The following OSCP1 variants were observed in gnomAD, a reference collection of about 807,000 sequenced individuals.
OSCP1 encodes the protein protein OSCP1.
OSCP1 carries 35 observed loss-of-function variants against 45.1 expected under a neutral mutation model. The ratio of observed to expected loss-of-function variants is 0.78; its 90% confidence interval spans 0.59 to 1.03. The LOEUF (loss-of-function observed/expected upper bound fraction) is 1.03. Ranked by LOEUF, OSCP1 falls within the 50% of genes least tolerant of loss-of-function variation. The pLI is 0.00. For synonymous variants in OSCP1, 179 were observed against 180.1 expected (o/e 0.99, Z 0.05); for missense variants, 400 against 470.7 (o/e 0.85, Z 1.39).
In OSCP1 at chr1:36,425,364, G is replaced by T. The variant is rs1647900721; in HGVS notation, c.517-1898C>A. Among the ~76,000 whole-genome samples the T allele has an allele frequency of 4.6e-5, 7 of 152,102 alleles. No homozygotes were observed. In the South Asian group the frequency reaches 1.5e-3, roughly 32 times the overall value. Reference sequence around the variant, plus strand: ...TTTCTGTGCATCAGTTTTCCCTTTGGTAACCTGGGGGTAATAATAGTAATA... The same window carrying T: ...TTTCTGTGCATCAGTTTTCCCTTTGTTAACCTGGGGGTAATAATAGTAATA... On this transcript the variant is annotated intron_variant, in intron 4 of 9. Transcript: ENST00000235532.
intron 1 of OSCP1, among the ~76,000 whole-genome samples, chr1:36,445,312 T>C (rs1015589211): frequency 2.6e-5 from 4 of 152,106 alleles, no homozygotes; most frequent in African/African-American, 9.7e-5. Context: ...ACTACGCCAC[T>C]GGGCGACAGA....
chr1:36,422,337 G>A, intron 6 of OSCP1, 118 bp from the exon 7 acceptor site: 1 of 950,646 alleles, frequency 1.1e-6, no homozygotes, highest in Non-Finnish European at 1.7e-6. Context: ...CCAGAAAGGT[G>A]CTGTGGGTAC....
chr1:36,434,103 A>G (rs79201836), intron 2 of OSCP1, among the ~76,000 whole-genome samples: 15,547 of 152,088 alleles, frequency 0.1, 947 homozygotes, highest in East Asian at 0.29. Context: ...ATGGAGGAAA[A>G]GACGTCTGAG....
chr1:36,426,367 C>T (rs1374836511), intron 4 of OSCP1, among the ~76,000 whole-genome samples: 3 of 152,144 alleles, frequency 2.0e-5, no homozygotes, highest in Non-Finnish European at 4.4e-5. Flanking sequence ...TCCACCCTTT[C>T]CTTTCCGAGG....
intron 8 of OSCP1, 178 bp from the exon 9 acceptor site, chr1:36,419,232 A>G: frequency 1.6e-6 from 1 of 625,158 alleles, no homozygotes; most frequent in Non-Finnish European, 2.8e-6. Flanking sequence ...AAGTTCTTTT[A>G]TCTCTCTGTG....
chr1:36,437,461 A>T (rs942511084), intron 2 of OSCP1, among the ~76,000 whole-genome samples: 1 of 152,186 alleles, frequency 6.6e-6, no homozygotes, highest in Non-Finnish European at 1.5e-5. Flanking sequence ...GAGATTTGTG[A>T]AGAATGAGGC....
At chr1:36,436,689 AATT>A (rs755959365) in intron 2 of OSCP1, among the ~76,000 whole-genome samples, 2 of 152,104 alleles carry the variant, frequency 1.3e-5, no homozygotes, top group African/African-American at 2.4e-5. Flanking sequence ...GTTGTAAAGG[AATT>A]ATTATTATAT....
At chr1:36,422,123 G>C in intron 7 of OSCP1, 27 bp downstream of exon 7, 2 of 1,598,822 alleles carry the variant, frequency 1.3e-6, no homozygotes, top group Non-Finnish European at 1.7e-6. Context: ...GAAGCTGTGA[G>C]GGTAGGCAAG....
rs1241863053 is a variant in OSCP1 at position 36,442,356 on chromosome 1, GTTCA to G, written c.113-3450_113-3447del. On this transcript the variant is annotated intron_variant, in intron 1 of 9. Coordinates refer to ENST00000235532, the MANE Select transcript of OSCP1 (RefSeq NM_145047.5). The stretch of plus-strand genomic sequence containing the variant: ...GGTTCAGATTATGAAGCCAGTTTCT[GTTCA>G]TTATTTTTGAACATTTATGTTAAAA... Among the ~76,000 whole-genome samples the G allele has an allele frequency of 4.6e-5, 7 of 152,128 alleles. No homozygotes were observed. In the East Asian group the frequency reaches 1.4e-3, roughly 29 times the overall value.
intron 4 of OSCP1, chr1:36,428,262 T>C (rs1258887366): frequency 4.0e-6 from 6 of 1,509,010 alleles, no homozygotes; most frequent in Non-Finnish European, 3.5e-6. Context: ...CCTTTGTCCA[T>C]GGAAGGGAAA....
At chr1:36,426,730 G>A (rs1647983706) in intron 4 of OSCP1, among the ~76,000 whole-genome samples, 1 of 152,154 alleles carries the variant, frequency 6.6e-6, no homozygotes, top group Non-Finnish European at 1.5e-5. Context: ...TTTTAAGGCA[G>A]CATCTTGCTC....
intron 9 of OSCP1, chr1:36,418,505 GA>G: frequency 1.8e-6 from 1 of 541,236 alleles, no homozygotes; most frequent in South Asian, 2.2e-5. Context: ...GTATAGTTAA[GA>G]AACAACTTTA....
At chr1:36,439,728 A>G (rs905356317) in intron 1 of OSCP1, among the ~76,000 whole-genome samples, 4 of 152,214 alleles carry the variant, frequency 2.6e-5, no homozygotes, top group African/African-American at 9.6e-5. Context: ...GAATGCCTTA[A>G]TTTCCACATT....
At chr1:36,449,565 G>A (rs1434144514) in intron 1 of OSCP1, among the ~76,000 whole-genome samples, 2 of 151,996 alleles carry the variant, frequency 1.3e-5, no homozygotes, top group East Asian at 1.9e-4. Flanking sequence ...GGCTGGACGC[G>A]GTGGCTCACG....
At chr1:36,419,759 CTGCTTATTCAGCTGT>C (rs1480364373) in intron 8 of OSCP1, among the ~76,000 whole-genome samples, 2 of 152,348 alleles carry the variant, frequency 1.3e-5, no homozygotes, top group African/African-American at 4.8e-5. Context: ...GCTTCTAACA[CTGCTTATTCAGCTGT>C]TCTCTGATAA....
chr1:36,426,230 T>C (rs939171856), intron 4 of OSCP1, among the ~76,000 whole-genome samples: 1 of 152,234 alleles, frequency 6.6e-6, no homozygotes, highest in East Asian at 1.9e-4. Context: ...TATGGCATGG[T>C]AGATCTGAAA....
chr1:36,446,500 G>T (rs1301504641), intron 1 of OSCP1, among the ~76,000 whole-genome samples: 2 of 152,216 alleles, frequency 1.3e-5, no homozygotes, highest in Non-Finnish European at 2.9e-5. Flanking sequence ...CCGAAGGCAG[G>T]CAGGCTGAAC....
At chr1:36,425,800 T>G (rs538032003) in intron 4 of OSCP1, among the ~76,000 whole-genome samples, 2 of 151,708 alleles carry the variant, frequency 1.3e-5, no homozygotes, top group African/African-American at 4.8e-5. Context: ...GCCAATACTC[T>G]TATTATTACA....
rs776644354 is a variant in OSCP1, at chr1:36,418,168, C to A, written c.1111G>T (p.Asp371Tyr). Residue 371 changes from aspartate (D) to tyrosine (Y), a missense_variant, in exon 10 of 10, where the codon GAT (aspartate) becomes TAT (tyrosine). Transcript: ENST00000235532. ...AACTCATCCATCATGGCGAGCAAAT[C>A]GTCCCCTTTGCTGGTGCTCAGCCTT... The part of the protein sequence containing the change: ...QPRLSTSKGD[D>Y]LLAMMDEL The A allele has an allele frequency of 1.2e-6, 2 of 1,614,146 alleles. No homozygotes were observed. The highest frequency in any genetic ancestry group is 8.5e-7 in the Non-Finnish European group (1 of 1,180,016).
Sources: allele counts gnomAD v4.1 joint callset (sites outside exome capture counted in the v4.1 genomes callset), GRCh38; gene constraint gnomAD v4.1.1; transcripts MANE v1.5; gene names NCBI Gene and HGNC (gene_info 2026-07-23, HGNC 2026-07-21).